Variants in ADGB observed in about 807,000 individuals in gnomAD.
ADGB encodes the protein androglobin, also known as calpain-7-like protein.
ADGB carries 172 observed loss-of-function variants against 210.5 expected under a neutral mutation model. That is an observed-to-expected ratio of 0.82 (90% CI 0.72 to 0.93). The LOEUF is 0.93. ADGB is among the 40% of genes least tolerant of loss of function. The pLI is 0.00. For synonymous variants in ADGB, 658 were observed against 662.7 expected, an observed-to-expected ratio of 0.99 and a Z score of 0.11; for missense variants, 2,025 against 1,964.8, an observed-to-expected ratio of 1.03 and a Z score of -0.58.
intron 29 of ADGB, among the ~76,000 whole-genome samples, chr6:146,779,803 G>A (rs1472039436): frequency 6.7e-6 from 1 of 150,036 alleles, no homozygotes; most frequent in Non-Finnish European, 1.5e-5. Flanking sequence ...ACAAACCGAA[G>A]CAGTTTGTTT....
At chr6:146,631,222 T>C (rs536573128) in intron 1 of ADGB, among the ~76,000 whole-genome samples, 2 of 152,286 alleles carry the variant, frequency 1.3e-5, no homozygotes, top group South Asian at 4.1e-4. Flanking sequence ...AAAAACCAAA[T>C]CTCAGTGACT....
chr6:146,743,214 A>T lies in ADGB; in HGVS notation c.3177+1943A>T, dbSNP rs9403810. Among the ~76,000 whole-genome samples, 64 of 152,338 alleles carry T rather than the reference A, an allele frequency of 4.2e-4. 1 individual carries two copies. In the East Asian group the frequency reaches 0.012, roughly 28 times the overall value. ...AGAGGAAGAAGATGATTTAATTTAA[A>T]GGGAGACTATCAAGGTTATAGATGT... is the stretch of plus-strand genomic sequence containing the variant. On this transcript the variant is annotated intron_variant, in intron 25 of 35. Coordinates refer to ENST00000397944, the MANE Select transcript of ADGB (RefSeq NM_024694.4).
Position 146,784,625 on chromosome 6 carries a change from C to T in ADGB, c.4043C>T (p.Thr1348Ile). 1.9e-6 allele frequency: 3 copies of T among 1,541,998 alleles called. No individual in the cohort carries two copies. Among genetic ancestry groups the T allele is most frequent in the South Asian group, 2.4e-5 (2 of 81,960 alleles). Residue 1348 changes from threonine (T) to isoleucine (I), a missense_variant, in exon 31 of 36, where the codon ACT becomes ATT. Physicochemically the swap from Thr to Ile is moderately conservative, Grantham distance 89. Coordinates refer to ENST00000397944, the MANE Select transcript of ADGB (RefSeq NM_024694.4). Reference protein sequence around the residue: ...QAPRFEPQISTVHPQQEDPNK... With the variant: ...QAPRFEPQISIVHPQQEDPNK... ...AGGTTTTTATTTTATCAGATATCCA[C>T]TGTTCACCCTCAACAAGAAGACCCA...
chr6:146,691,808 T>C (rs965297106), intron 11 of ADGB, among the ~76,000 whole-genome samples: 9 of 152,020 alleles, frequency 5.9e-5, no homozygotes, highest in African/African-American at 1.7e-4. Flanking sequence ...AAGTAGTTTG[T>C]AGCAAAGTGC....
intron 1 of ADGB, among the ~76,000 whole-genome samples, chr6:146,634,817 A>AC (rs560224661): frequency 2.0e-5 from 3 of 151,368 alleles, no homozygotes; most frequent in South Asian, 2.1e-4. Context: ...AAAATCGACC[A>AC]CCCCCCCAAA....
At chr6:146,637,227 G>T (rs576640119) in intron 2 of ADGB, among the ~76,000 whole-genome samples, 2 of 151,904 alleles carry the variant, frequency 1.3e-5, no homozygotes, top group Admixed American at 1.3e-4. Context: ...TTAATTCAAG[G>T]CATGAAGATT....
intron 27 of ADGB, among the ~76,000 whole-genome samples, chr6:146,754,983 T>G (rs1022340708): frequency 4.6e-5 from 7 of 152,140 alleles, no homozygotes; most frequent in Non-Finnish European, 8.8e-5. Context: ...ATCACCTATT[T>G]TTATTTTTAA....
intron 6 of ADGB, among the ~76,000 whole-genome samples, chr6:146,665,439 G>T (rs1262604171): frequency 2.0e-5 from 3 of 151,966 alleles, no homozygotes; most frequent in Non-Finnish European, 4.4e-5. Context: ...GATCTTTGTA[G>T]GTAGCTGAAT....
At chr6:146,706,845 G>GT (rs34520729) in intron 13 of ADGB, among the ~76,000 whole-genome samples, 4,651 of 100,694 alleles carry the variant, frequency 0.046, 185 homozygotes, top group African/African-American at 0.094. Context: ...TCAGCTTAGT[G>GT]TTTTTTTTTT....
intron 1 of ADGB, among the ~76,000 whole-genome samples, chr6:146,606,158 T>C (rs552988360): frequency 2.6e-5 from 4 of 152,116 alleles, no homozygotes; most frequent in Non-Finnish European, 5.9e-5. Context: ...TTTTGATTGG[T>C]ATTTCTCTAA....
chr6:146,625,581 T>G (rs1440841993), intron 1 of ADGB, among the ~76,000 whole-genome samples: 1 of 152,046 alleles, frequency 6.6e-6, no homozygotes, highest in Non-Finnish European at 1.5e-5. Flanking sequence ...TGTTAATAAG[T>G]GAGTTCTTGC....
intron 10 of ADGB, among the ~76,000 whole-genome samples, chr6:146,686,057 G>GA (rs749841834): frequency 1.9e-4 from 29 of 151,984 alleles, no homozygotes; most frequent in Middle Eastern, 6.8e-3. Flanking sequence ...AAAAGGAAAA[G>GA]AAAAAATACA....
Position 146,733,158 on chromosome 6 carries a change from T to C in ADGB, c.2559T>C (p.Val853=), listed in dbSNP as rs1442267763. Residue 853 remains valine, a synonymous_variant, in exon 21 of 36, where the codon GTT becomes GTC. Coordinates refer to ENST00000397944, the MANE Select transcript of ADGB (RefSeq NM_024694.4). ...CCTTATGGCGTTTAATGAAAAAAGT[T>C]CAAATAACAAAACCTCCTCCAAACT... is the stretch of plus-strand genomic sequence containing the variant. ...HLSLWRLMKK[V]QITKPPPNFK... is the part of the protein sequence containing the mutation. The C allele has an allele frequency of 3.3e-6, 5 of 1,535,350 alleles. No individual in the cohort carries two copies. In the African/African-American group the frequency reaches 6.9e-5, roughly 21 times the overall value.
At position 146,691,104 on chromosome 6, in the gene ADGB, T is replaced by G. The variant is rs764618508; in HGVS notation, c.1312-12T>G. On this transcript the variant is annotated splice_polypyrimidine_tract_variant and intron_variant, in intron 10 of 35. Transcript: ENST00000397944. ...AAGGAGAATGCTTTTCAATTTACTT[T>G]CCATCTTCTAGGCAGATTCTGCTGA... The G allele has an allele frequency of 1.1e-5, 17 of 1,507,350 alleles. No homozygotes were observed. Among genetic ancestry groups the G allele is most frequent in the Non-Finnish European group, 1.5e-5 (17 of 1,128,750 alleles). The allele number at this position is 1,507,350 out of a possible 1,614,324, so 93.4% of individuals were successfully genotyped here. A position where few individuals can be genotyped will look rare whatever the true frequency, so the allele number is the denominator to read the frequency against.
chr6:146,606,994 G>T (rs1374369820), intron 1 of ADGB, among the ~76,000 whole-genome samples: 1 of 152,092 alleles, frequency 6.6e-6, no homozygotes, highest in Admixed American at 6.5e-5. Context: ...TGGGCAGCAT[G>T]GTCATTTTAA....
rs1407871430 is a variant in ADGB, at chr6:146,631,030, T to C, written c.75-4345T>C. On this transcript the variant is annotated intron_variant, in intron 1 of 35. Transcript: ENST00000397944. ...TAAGGATAAGCTCATAATTAAAGAATATACAAAATATTGGCAAAAGTCACA... is the reference window on the plus strand; with the variant it reads ...TAAGGATAAGCTCATAATTAAAGAACATACAAAATATTGGCAAAAGTCACA... Among the ~76,000 whole-genome samples the C allele has an allele frequency of 2.6e-5, 4 of 152,204 alleles. No individual in the cohort carries two copies. The South Asian group carries it at 8.3e-4, about 31-fold the overall frequency.
chr6:146,696,736 A>G (rs111959465), intron 12 of ADGB, among the ~76,000 whole-genome samples: 2,612 of 152,298 alleles, frequency 0.017, 73 homozygotes, highest in African/African-American at 0.057. Flanking sequence ...GGAGTAGACA[A>G]TGTAAGAGTG....
rs752909387 is a variant in ADGB, at chr6:146,728,321, C to T, written c.2353-253C>T. ...TCAGAACTAGGTCTGGTTATTAATA[C>T]GGTGGGGGAAATTTTACGTGATCCC... On this transcript the variant is annotated intron_variant, in intron 19 of 35. Transcript: ENST00000397944. Among the ~76,000 whole-genome samples the T allele has an allele frequency of 2.6e-5, 4 of 152,078 alleles. No individual in the cohort carries two copies. The South Asian group carries it at 6.2e-4, about 24-fold the overall frequency.
rs979313629 is a variant in ADGB, at chr6:146,782,327, G to T, written c.4035+135G>T. 4.5e-5 allele frequency: 41 copies of T among 912,320 alleles called. No individual in the cohort carries two copies. In the African/African-American group the frequency reaches 6.7e-4, roughly 15 times the overall value. The allele number at this position is 912,320 out of a possible 1,614,324, so 56.5% of individuals were successfully genotyped here. ...ATTCCAGAAACCATCTAGATACTTT[G>T]AGGACATTCCTTGGACACCTTCCTC... On this transcript the variant is annotated intron_variant, in intron 30 of 35. Coordinates refer to ENST00000397944, the MANE Select transcript of ADGB (RefSeq NM_024694.4).
Sources: allele counts gnomAD v4.1 joint callset (sites outside exome capture counted in the v4.1 genomes callset), GRCh38; gene constraint gnomAD v4.1.1; transcripts MANE v1.5; gene names NCBI Gene and HGNC (gene_info 2026-07-23, HGNC 2026-07-21).